Variants in CLYBL observed in about 807,000 individuals in gnomAD.
CLYBL encodes the protein citramalyl-CoA lyase, mitochondrial.
In CLYBL, 31 loss-of-function variants were observed where a neutral mutation model predicts 38.9. The observed-to-expected ratio is 0.80, with a 90% confidence interval of 0.60 to 1.08. The LOEUF is 1.08. CLYBL is among the 50% of genes least tolerant of loss of function. The probability of loss-of-function intolerance (pLI) is 0.00; values close to 1 mark genes in which losing one functional copy is unlikely to be tolerated. For missense variants in CLYBL, 434 were observed against 411.6 expected (o/e 1.05, Z -0.47); for synonymous variants, 171 against 158.6 (o/e 1.08, Z -0.59).
At chr13:99,841,275 G>A (rs1338045160) in intron 2 of CLYBL, among the ~76,000 whole-genome samples, 1 of 152,062 alleles carries the variant, frequency 6.6e-6, no homozygotes, top group Non-Finnish European at 1.5e-5. Context: ...CAAAATGAGA[G>A]GTCTAAAACT....
At chr13:99,737,622 A>G (rs1321419185) in intron 1 of CLYBL, among the ~76,000 whole-genome samples, 1 of 152,156 alleles carries the variant, frequency 6.6e-6, no homozygotes, top group African/African-American at 2.4e-5. Context: ...TGAAGCATAG[A>G]CTAGAGGAGT....
chr13:99,672,948 A>G (rs781083625), intron 1 of CLYBL, among the ~76,000 whole-genome samples: 9 of 152,270 alleles, frequency 5.9e-5, no homozygotes, highest in East Asian at 1.9e-4. Flanking sequence ...CATGCGCCCA[A>G]TGGGTATTGA....
chr13:99,899,872 G>A (rs981869590), downstream of CLYBL, among the ~76,000 whole-genome samples: 1 of 152,010 alleles, frequency 6.6e-6, no homozygotes, highest in Non-Finnish European at 1.5e-5. Context: ...CGCAGAGCTG[G>A]TTGGAATATG....
intron 1 of CLYBL, among the ~76,000 whole-genome samples, chr13:99,630,549 T>G (rs967244368): frequency 2.6e-5 from 4 of 152,200 alleles, no homozygotes; most frequent in African/African-American, 9.7e-5. Flanking sequence ...AAAGTAGTTC[T>G]GAATAAGAAA....
intron 1 of CLYBL, among the ~76,000 whole-genome samples, chr13:99,760,929 A>C (rs1198509638): frequency 6.6e-6 from 1 of 152,232 alleles, no homozygotes; most frequent in Non-Finnish European, 1.5e-5. Context: ...TGTAAACTAC[A>C]GTCACCCTAC....
chr13:99,657,240 A>G (rs1294774230), intron 1 of CLYBL, among the ~76,000 whole-genome samples: 1 of 152,228 alleles, frequency 6.6e-6, no homozygotes, highest in Non-Finnish European at 1.5e-5. Flanking sequence ...TTCCAAAGGG[A>G]AAAGGATCTT....
At chr13:99,714,982 C>T (rs546998093) in intron 1 of CLYBL, among the ~76,000 whole-genome samples, 17 of 152,098 alleles carry the variant, frequency 1.1e-4, no homozygotes, top group East Asian at 7.7e-4. Context: ...AAAGGAGGAA[C>T]GTAACCATCA....
At chr13:99,673,220 C>G (rs1412397593) in intron 1 of CLYBL, among the ~76,000 whole-genome samples, 1 of 152,088 alleles carries the variant, frequency 6.6e-6, no homozygotes, top group Non-Finnish European at 1.5e-5. Context: ...CAAGACCAGC[C>G]TGGCCAACAT....
At chr13:99,635,816 G>A (rs1248976394) in intron 1 of CLYBL, among the ~76,000 whole-genome samples, 1 of 152,154 alleles carries the variant, frequency 6.6e-6, no homozygotes, top group African/African-American at 2.4e-5. Flanking sequence ...CCCAGTCTCA[G>A]TTTCCTCATC....
intron 1 of CLYBL, among the ~76,000 whole-genome samples, chr13:99,648,900 A>C (rs2047212918): frequency 6.6e-6 from 1 of 152,056 alleles, no homozygotes; most frequent in South Asian, 2.1e-4. Flanking sequence ...ATGTTTGAAC[A>C]TAAGGATATA....
chr13:99,619,582 T>C (rs2046763971), intron 1 of CLYBL, among the ~76,000 whole-genome samples: 2 of 152,222 alleles, frequency 1.3e-5, no homozygotes, highest in African/African-American at 2.4e-5. Context: ...TTTAATTTTT[T>C]CTTACAATTG....
At chr13:99,854,576 C>T (rs1348034973) in intron 2 of CLYBL, among the ~76,000 whole-genome samples, 1 of 152,008 alleles carries the variant, frequency 6.6e-6, no homozygotes, top group Non-Finnish European at 1.5e-5. Flanking sequence ...TGCCGCCCTG[C>T]CGCGAGGGAC....
At chr13:99,800,064 C>T (rs1254491303) in intron 2 of CLYBL, among the ~76,000 whole-genome samples, 2 of 152,222 alleles carry the variant, frequency 1.3e-5, no homozygotes, top group African/African-American at 2.4e-5. Context: ...AGGAACATGA[C>T]TGCATGTAGA....
chr13:99,859,380 G>C (rs1196868388), intron 3 of CLYBL, among the ~76,000 whole-genome samples: 1 of 152,166 alleles, frequency 6.6e-6, no homozygotes, highest in Non-Finnish European at 1.5e-5. Context: ...CCTCCACCCT[G>C]CCCGGCCCTA....
At chr13:99,729,729 G>T (rs908783163) in intron 1 of CLYBL, among the ~76,000 whole-genome samples, 3 of 152,210 alleles carry the variant, frequency 2.0e-5, no homozygotes, top group African/African-American at 7.2e-5. Context: ...TAGGAATAAA[G>T]GAGAAAGAGG....
chr13:99,668,532 G>C, intron 1 of CLYBL, among the ~76,000 whole-genome samples: 1 of 144,416 alleles, frequency 6.9e-6, no homozygotes, highest in East Asian at 2.1e-4. Context: ...GTTGCAGTGA[G>C]CTGAGATTAT....
intron 1 of CLYBL, among the ~76,000 whole-genome samples, chr13:99,679,298 A>AT (rs1275760104): frequency 0.013 from 1,610 of 124,988 alleles, 39 homozygotes; most frequent in African/African-American, 0.047. Flanking sequence ...CGACTCAAAA[A>AT]AAAAAAAAAA....
chr13:99,739,556 C>G (rs2048717626), intron 1 of CLYBL, among the ~76,000 whole-genome samples: 1 of 152,198 alleles, frequency 6.6e-6, no homozygotes, highest in South Asian at 2.1e-4. Flanking sequence ...AAATCATACT[C>G]AGTTCTTTGG....
chr13:99,771,135 TAATC>T (rs1204576705), intron 1 of CLYBL, among the ~76,000 whole-genome samples: 2 of 150,622 alleles, frequency 1.3e-5, no homozygotes, highest in Admixed American at 6.6e-5. Context: ...CTTCTGGGCT[TAATC>T]AATCCTCCCA....
Sources: gnomAD v4.1 joint callset for allele counts (sites outside exome capture counted in the v4.1 genomes callset) on GRCh38, gnomAD v4.1.1 for gene constraint, MANE v1.5 for transcripts, NCBI Gene and HGNC (gene_info 2026-07-23, HGNC 2026-07-21) for gene names.